Variants in TECRL observed in about 807,000 individuals in gnomAD.
TECRL encodes trans-2,3-enoyl-CoA reductase like, also known as trans-2,3-enoyl-CoA reductase-like.
A neutral mutation model predicts 52.8 loss-of-function variants in TECRL; 63 were observed. The observed-to-expected ratio is 1.19, with a 90% confidence interval of 0.97 to 1.47. The LOEUF (loss-of-function observed/expected upper bound fraction) is 1.47. Among genes scored for constraint, TECRL ranks in the 40% most tolerant of loss-of-function variants. TECRL has a pLI of 0.00. For synonymous variants in TECRL, 164 were observed against 141.9 expected, an observed-to-expected ratio of 1.16 and a Z score of -1.10; for missense variants, 482 against 429.6, an observed-to-expected ratio of 1.12 and a Z score of -1.08.
intron 8 of TECRL, among the ~76,000 whole-genome samples, chr4:64,297,752 A>C (rs1723771173): frequency 6.6e-6 from 1 of 151,128 alleles, no homozygotes; most frequent in Non-Finnish European, 1.5e-5. Flanking sequence ...TTATGCTTTC[A>C]ATGAATAGCA....
At chr4:64,371,119 C>T (rs1228676285) in intron 2 of TECRL, among the ~76,000 whole-genome samples, 1 of 151,554 alleles carries the variant, frequency 6.6e-6, no homozygotes, top group African/African-American at 2.4e-5. Context: ...GCTGTAGAAA[C>T]TGTATATGCT....
In TECRL at chr4:64,336,218, A is replaced by G. The variant is rs546269961; in HGVS notation, c.287-7662T>C. On this transcript the variant is annotated intron_variant, in intron 2 of 11. Coordinates refer to ENST00000381210, the MANE Select transcript of TECRL (RefSeq NM_001010874.5). Reference sequence around the variant, plus strand: ...TGTTATTGGTCTATTCAGAGATTCAACTTCTTCCTGGTTTAGTCTTGAGAG... The same window carrying G: ...TGTTATTGGTCTATTCAGAGATTCAGCTTCTTCCTGGTTTAGTCTTGAGAG... Among the ~76,000 whole-genome samples, 15 of 152,158 alleles carry G rather than the reference A, an allele frequency of 9.9e-5. No homozygotes were observed. The South Asian group carries it at 1.2e-3, about 13-fold the overall frequency.
At chr4:64,352,709 T>A (rs555604593) in intron 2 of TECRL, among the ~76,000 whole-genome samples, 1 of 152,324 alleles carries the variant, frequency 6.6e-6, no homozygotes, top group South Asian at 2.1e-4. Context: ...TGCACATACA[T>A]ATCCAAACAT....
chr4:64,292,189 T>G (rs1178092022), intron 8 of TECRL, among the ~76,000 whole-genome samples: 25 of 151,976 alleles, frequency 1.6e-4, no homozygotes. Flanking sequence ...CAATTAAATG[T>G]GAAACACCGG....
chr4:64,359,075 T>C (rs577026592), intron 2 of TECRL, among the ~76,000 whole-genome samples: 14 of 151,992 alleles, frequency 9.2e-5, no homozygotes, highest in African/African-American at 2.7e-4. Flanking sequence ...ATGCTTTTTA[T>C]GGTTTTCTGA....
chr4:64,368,443 A>ACAC (rs1553918352), intron 2 of TECRL, among the ~76,000 whole-genome samples: 6 of 74,972 alleles, frequency 8.0e-5, no homozygotes, highest in Non-Finnish European at 2.2e-4. Flanking sequence ...TTACAGGCGC[A>ACAC]CGCCACCACA....
At chr4:64,327,059 G>T (rs1226652340) in intron 3 of TECRL, among the ~76,000 whole-genome samples, 2 of 151,934 alleles carry the variant, frequency 1.3e-5, no homozygotes, top group African/African-American at 2.4e-5. Flanking sequence ...GATTTAAGTG[G>T]TTTTTTTAGT....
At position 64,364,901 on chromosome 4, in the gene TECRL, T is replaced by C. The variant is rs114832834; in HGVS notation, c.286+10271A>G. Among the ~76,000 whole-genome samples, 330 of 151,926 alleles carry C rather than the reference T, an allele frequency of 2.2e-3. 1 individual carries two copies. The highest frequency in any genetic ancestry group is 7.5e-3 in the African/African-American group (309 of 41,466). ...GGAAGAAGGACTCCTCCCTAACTCA[T>C]TCTATGAGGCCAGCATTATTCCGAT... is the stretch of plus-strand genomic sequence containing the variant. On this transcript the variant is annotated intron_variant, in intron 2 of 11. Coordinates refer to ENST00000381210, the MANE Select transcript of TECRL (RefSeq NM_001010874.5).
chr4:64,332,644 A>G (rs1718728571), intron 2 of TECRL, among the ~76,000 whole-genome samples: 2 of 152,306 alleles, frequency 1.3e-5, no homozygotes, highest in South Asian at 2.1e-4. Flanking sequence ...CATAAAATAC[A>G]AGACAGAATT....
intron 8 of TECRL, among the ~76,000 whole-genome samples, chr4:64,291,316 C>G (rs1723374344): frequency 1.3e-5 from 2 of 151,964 alleles, no homozygotes; most frequent in African/African-American, 4.8e-5. Context: ...TCTCACTTCT[C>G]TAGACTTCAT....
At chr4:64,349,559 C>T (rs1720235422) in intron 2 of TECRL, among the ~76,000 whole-genome samples, 1 of 152,114 alleles carries the variant, frequency 6.6e-6, no homozygotes. Context: ...GAAGATGAAC[C>T]TAGATTCTAA....
chr4:64,335,780 C>A (rs1383919041), intron 2 of TECRL, among the ~76,000 whole-genome samples: 2 of 152,072 alleles, frequency 1.3e-5, no homozygotes, highest in Admixed American at 6.6e-5. Context: ...TATTAGGAGT[C>A]CTTTTTCTTA....
chr4:64,284,702 G>T (rs959913310), intron 9 of TECRL, among the ~76,000 whole-genome samples: 1 of 152,048 alleles, frequency 6.6e-6, no homozygotes, highest in African/African-American at 2.4e-5. Flanking sequence ...AGAAAGTTAT[G>T]TTTGGCTAGT....
At position 64,279,858 on chromosome 4, in the gene TECRL, A is replaced by G. The variant is rs1336901672; in HGVS notation, c.*214T>C. On this transcript the variant is annotated 3_prime_UTR_variant, in exon 12 of 12. Coordinates refer to ENST00000381210, the MANE Select transcript of TECRL (RefSeq NM_001010874.5). Reference sequence around the variant, plus strand: ...GGACCAATCCCATGCAAATACATTCAGAGCTGTTCTTAGTTAATTGCATTT... The same window carrying G: ...GGACCAATCCCATGCAAATACATTCGGAGCTGTTCTTAGTTAATTGCATTT... 1.8e-6 allele frequency: 2 copies of G among 1,088,642 alleles called. No individual in the cohort carries two copies. Among genetic ancestry groups the G allele is most frequent in the East Asian group, 1.3e-4 (2 of 15,380 alleles). 67.4% of individuals were successfully genotyped at this position (1,088,642 alleles called of 1,614,324 possible). A position where few individuals can be genotyped will look rare whatever the true frequency, so the allele number is the denominator to read the frequency against.
chr4:64,398,347 G>A lies in TECRL; in HGVS notation c.234+10771C>T, dbSNP rs1724108087. On this transcript the variant is annotated intron_variant, in intron 1 of 11. Coordinates refer to ENST00000381210, the MANE Select transcript of TECRL (RefSeq NM_001010874.5). ...TCCAATACTGGAGATGTAGCCTGGT[G>A]GGAGGGAAATGAATCATGGGGTCAG... Among the ~76,000 whole-genome samples, 5 of 152,104 alleles carry A rather than the reference G, an allele frequency of 3.3e-5. No individual in the cohort carries two copies. In the South Asian group the frequency reaches 1.0e-3, roughly 32 times the overall value.
intron 2 of TECRL, among the ~76,000 whole-genome samples, chr4:64,353,387 G>C (rs1720536004): frequency 3.3e-5 from 5 of 152,112 alleles, no homozygotes. Context: ...TCCAACAGGA[G>C]ACTATTATAG....
At chr4:64,375,265 A>T in intron 1 of TECRL, 42 bp from the exon 2 acceptor site, 2 of 1,071,668 alleles carry the variant, frequency 1.9e-6, no homozygotes, top group Non-Finnish European at 2.6e-6. Context: ...AAAAACTGTT[A>T]ATTTGTTTTC....
intron 2 of TECRL, among the ~76,000 whole-genome samples, chr4:64,341,255 G>T (rs573294293): frequency 6.6e-6 from 1 of 152,104 alleles, no homozygotes; most frequent in Non-Finnish European, 1.5e-5. Flanking sequence ...GCTGTTTGTG[G>T]GACAAGAACT....
intron 2 of TECRL, among the ~76,000 whole-genome samples, chr4:64,352,426 G>T (rs1010867947): frequency 6.6e-6 from 1 of 152,152 alleles, no homozygotes; most frequent in Non-Finnish European, 1.5e-5. Context: ...CATAGATAGA[G>T]ATAGTATCTA....
Sources: gnomAD v4.1 joint callset for allele counts (sites outside exome capture counted in the v4.1 genomes callset) on GRCh38, gnomAD v4.1.1 for gene constraint, MANE v1.5 for transcripts, NCBI Gene and HGNC (gene_info 2026-07-23, HGNC 2026-07-21) for gene names.